The following METTL4 variants were observed in gnomAD, a reference collection of about 807,000 sequenced individuals.
The protein encoded by METTL4 is N(6)-adenine-specific methyltransferase METTL4.
In METTL4, 40 loss-of-function variants were observed where a neutral mutation model predicts 54.0. That is an observed-to-expected ratio of 0.74 (90% CI 0.58 to 0.96). The LOEUF (loss-of-function observed/expected upper bound fraction) is 0.96, where lower values mean the gene tolerates loss of function less well. Among genes scored for constraint, METTL4 ranks in the 50% least tolerant of loss-of-function variants. METTL4 has a pLI of 0.00. For synonymous variants in METTL4, 169 were observed against 183.8 expected (o/e 0.92, Z 0.65); for missense variants, 525 against 549.0 (o/e 0.96, Z 0.44).
At chr18:2,542,172 T>C (rs1266662127) in intron 8 of METTL4, among the ~76,000 whole-genome samples, 5 of 151,920 alleles carry the variant, frequency 3.3e-5, no homozygotes, top group Admixed American at 1.3e-4. Flanking sequence ...TTCAAAGATA[T>C]AAGCTGTAAT....
At position 2,567,141 on chromosome 18, in the gene METTL4, G is replaced by C. The variant is rs778111954; in HGVS notation, c.76C>G (p.Leu26Val). 4 of 1,614,066 alleles carry C rather than the reference G, an allele frequency of 2.5e-6. No individual in the cohort carries two copies. The highest frequency in any genetic ancestry group is 1.1e-5 in the South Asian group (1 of 91,078). Reference protein sequence around the residue: ...LSFINKINYQLHQHHEPCCRK... With the variant: ...LSFINKINYQVHQHHEPCCRK... ...CAACAAGGTTCATGATGCTGGTGAA[G>C]TTGATAGTTTATCTTGTTGATAAAA... The change falls in exon 2 of 9, where the codon CTT (leucine) becomes GTT (valine). Residue 26 changes from leucine (L) to valine (V), a missense_variant. Physicochemically the swap from Leu to Val is conservative, Grantham distance 32. Coordinates refer to ENST00000574538, the MANE Select transcript of METTL4 (RefSeq NM_022840.5).
Position 2,564,332 on chromosome 18 carries a change from G to A in METTL4, c.397-473C>T, listed in dbSNP as rs575301564. Among the ~76,000 whole-genome samples the A allele has an allele frequency of 3.9e-5, 6 of 152,090 alleles. No individual in the cohort carries two copies. The South Asian group carries it at 6.2e-4, about 16-fold the overall frequency. Reference sequence around the variant, plus strand: ...AGGCTGAGGCAGGAGAATGGTGTGCGAGACTCTGTCTCAAAAAAAAGAACT... The same window carrying A: ...AGGCTGAGGCAGGAGAATGGTGTGCAAGACTCTGTCTCAAAAAAAAGAACT... On this transcript the variant is annotated intron_variant, in intron 2 of 8. Transcript: ENST00000574538.
intron 5 of METTL4, among the ~76,000 whole-genome samples, chr18:2,549,040 G>T (rs1208831730): frequency 1.3e-5 from 2 of 152,162 alleles, no homozygotes; most frequent in East Asian, 3.8e-4. Context: ...CCACTCTTCA[G>T]ATCCCTTGAC....
chr18:2,563,987 T>G, intron 2 of METTL4, 128 bp from the exon 3 acceptor site: 1 of 583,192 alleles, frequency 1.7e-6, no homozygotes, highest in Non-Finnish European at 2.9e-6. Flanking sequence ...AATTGTCTAC[T>G]GAGGTCAAAA....
chr18:2,560,510 T>C (rs2072300793), intron 3 of METTL4, among the ~76,000 whole-genome samples: 1 of 152,168 alleles, frequency 6.6e-6, no homozygotes, highest in African/African-American at 2.4e-5. Flanking sequence ...TATATAATTA[T>C]ATATAAGGCC....
At chr18:2,557,903 G>C (rs533732342) in intron 3 of METTL4, among the ~76,000 whole-genome samples, 1 of 152,160 alleles carries the variant, frequency 6.6e-6, no homozygotes, top group East Asian at 1.9e-4. Context: ...CACAGTTCTT[G>C]ACAGGGGTAC....
rs769312273 is a variant in METTL4, at chr18:2,552,809, T to C, written c.830-45A>G. Reference sequence around the variant, plus strand: ...TTCAGAAAATACCTTCTCTATGTGATCACTTTAAAAACTAAACATGTTCTT... The same window carrying C: ...TTCAGAAAATACCTTCTCTATGTGACCACTTTAAAAACTAAACATGTTCTT... On this transcript the variant is annotated intron_variant, in intron 4 of 8. Transcript: ENST00000574538. The C allele has an allele frequency of 3.0e-6, 4 of 1,317,882 alleles. No homozygotes were observed. The Admixed American group carries it at 7.3e-5, about 24-fold the overall frequency. 81.6% of individuals were successfully genotyped at this position (1,317,882 alleles called of 1,614,324 possible). A position where few individuals can be genotyped will look rare whatever the true frequency, so the allele number is the denominator to read the frequency against.
chr18:2,540,806 TTTTG>T (rs1294295188), intron 8 of METTL4: 12 of 985,256 alleles, frequency 1.2e-5, no homozygotes, highest in Non-Finnish European at 1.4e-5. Context: ...TGAAGAAAGG[TTTTG>T]TTTGTTTTTG....
At chr18:2,557,793 T>A (rs115806636) in intron 3 of METTL4, among the ~76,000 whole-genome samples, 145 of 152,294 alleles carry the variant, frequency 9.5e-4, no homozygotes, top group African/African-American at 3.2e-3. Context: ...AGTAAAATCC[T>A]TTGTCCCTGA....
intron 8 of METTL4, among the ~76,000 whole-genome samples, chr18:2,541,122 C>G (rs192327124): frequency 6.6e-6 from 1 of 152,142 alleles, no homozygotes; most frequent in East Asian, 1.9e-4. Context: ...TTAAGAAAAA[C>G]AGAATATTAA....
At chr18:2,549,819 TAAAAAAA>T (rs397758263) in intron 5 of METTL4, among the ~76,000 whole-genome samples, 4 of 79,064 alleles carry the variant, frequency 5.1e-5, no homozygotes, top group African/African-American at 9.0e-5. Flanking sequence ...CCATCTCTAC[TAAAAAAA>T]AAAAAAAAAA....
At chr18:2,548,815 TTCCCATCC>T (rs1296359343) in intron 5 of METTL4, among the ~76,000 whole-genome samples, 1 of 152,216 alleles carries the variant, frequency 6.6e-6, no homozygotes, top group Non-Finnish European at 1.5e-5. Flanking sequence ...GCACTCTCAG[TTCCCATCC>T]TCCCTTTACC....
At position 2,544,752 on chromosome 18, in the gene METTL4, T is replaced by C. The variant is rs768385570; in HGVS notation, c.1082A>G (p.Asn361Ser). The change falls in exon 7 of 9, where the codon AAT becomes AGT. Residue 361 changes from asparagine to serine, a missense_variant. Physicochemically the swap from Asn to Ser is conservative, Grantham distance 46. Transcript: ENST00000574538. ...VAEWHWVKIT[N>S]SGEFVFPLDS... Reference sequence around the variant, plus strand: ...TAATGGGAACACAAATTCTCCTGAATTGGTTATCTGATAGGAAGGAGCCAA... The same window carrying C: ...TAATGGGAACACAAATTCTCCTGAACTGGTTATCTGATAGGAAGGAGCCAA... 16 of 1,610,488 alleles carry C rather than the reference T, an allele frequency of 9.9e-6. No homozygotes were observed. The highest frequency in any genetic ancestry group is 2.2e-5 in the East Asian group (1 of 44,792).
At chr18:2,566,086 T>TA (rs1048767338) in intron 2 of METTL4, among the ~76,000 whole-genome samples, 1 of 145,842 alleles carries the variant, frequency 6.9e-6, no homozygotes, top group African/African-American at 2.5e-5. Context: ...AATAAATAAA[T>TA]AAATAAAATA....
At chr18:2,539,453 A>ATC (rs2071960551) in intron 8 of METTL4, among the ~76,000 whole-genome samples, 1 of 148,426 alleles carries the variant, frequency 6.7e-6, no homozygotes, top group African/African-American at 2.5e-5. Context: ...CTGCTGATAT[A>ATC]TCTCCTGAGT....
chr18:2,539,047 T>C lies in METTL4; in HGVS notation c.1372A>G (p.Lys458Glu), dbSNP rs1350383291. The change falls in exon 9 of 9, where the codon AAA becomes GAA. Residue 458 changes from lysine (K) to glutamate (E), a missense_variant. Coordinates refer to ENST00000574538, the MANE Select transcript of METTL4 (RefSeq NM_022840.5). ...ATAAAATAATCCACATGCTGAAATT[T>C]GAGAACTTCATTGCCCCAACTAGTC... ...GWTSWGNEVLKFQHVDYFIAV... is the reference protein window; with the variant it reads ...GWTSWGNEVLEFQHVDYFIAV... The C allele has an allele frequency of 6.2e-7, 1 of 1,614,034 alleles. No individual in the cohort carries two copies. Among genetic ancestry groups the C allele is most frequent in the Non-Finnish European group, 8.5e-7 (1 of 1,179,946 alleles).
intron 3 of METTL4, among the ~76,000 whole-genome samples, chr18:2,556,708 A>C (rs2072244211): frequency 6.6e-6 from 1 of 152,176 alleles, no homozygotes; most frequent in Admixed American, 6.5e-5. Context: ...AAAAATGAGC[A>C]TATTAAGAAG....
At chr18:2,564,539 A>G (rs889701600) in intron 2 of METTL4, among the ~76,000 whole-genome samples, 1 of 152,190 alleles carries the variant, frequency 6.6e-6, no homozygotes, top group Non-Finnish European at 1.5e-5. Flanking sequence ...TGTGCTTATG[A>G]CTGATGAGGG....
chr18:2,544,620 A>T (rs114353157), intron 7 of METTL4, 33 bp downstream of exon 7: 10 of 1,261,010 alleles, frequency 7.9e-6, no homozygotes, highest in Non-Finnish European at 1.1e-5. Flanking sequence ...AAATTAATAC[A>T]TGTATACAAT....
Sources: gnomAD v4.1 joint callset for allele counts (sites outside exome capture counted in the v4.1 genomes callset) on GRCh38, gnomAD v4.1.1 for gene constraint, MANE v1.5 for transcripts, NCBI Gene and HGNC (gene_info 2026-07-23, HGNC 2026-07-21) for gene names.